Variants in PPFIA2 observed in about 807,000 individuals in gnomAD.
PPFIA2 encodes the protein liprin-alpha-2.
PPFIA2 carries 46 observed loss-of-function variants against 175.5 expected under a neutral mutation model. The observed-to-expected ratio is 0.26, with a 90% confidence interval of 0.21 to 0.34. The LOEUF is 0.34. PPFIA2 is among the 10% of genes least tolerant of loss of function. PPFIA2 has a pLI of 1.00. For missense variants in PPFIA2, 1,179 were observed against 1,506.1 expected, an observed-to-expected ratio of 0.78 and a Z score of 3.60; for synonymous variants, 568 against 511.4, an observed-to-expected ratio of 1.11 and a Z score of -1.49.
chr12:81,326,752 G>A (rs759611434), intron 21 of PPFIA2, among the ~76,000 whole-genome samples: 8 of 151,932 alleles, frequency 5.3e-5, no homozygotes, highest in South Asian at 2.1e-4. Flanking sequence ...TTCTGAAGTC[G>A]AGCTAAATGA....
intron 16 of PPFIA2, among the ~76,000 whole-genome samples, chr12:81,356,703 A>C (rs1018678068): frequency 5.3e-5 from 8 of 152,160 alleles, no homozygotes; most frequent in Non-Finnish European, 1.2e-4. Flanking sequence ...AATTGCCAAA[A>C]TATGAGACAG....
chr12:81,478,354 A>G (rs1253711002), intron 4 of PPFIA2, among the ~76,000 whole-genome samples: 1 of 152,030 alleles, frequency 6.6e-6, no homozygotes, highest in Non-Finnish European at 1.5e-5. Flanking sequence ...AATCTTTTCA[A>G]AAAACCACAT....
At chr12:81,643,045 G>A (rs1212903145) in intron 4 of PPFIA2, among the ~76,000 whole-genome samples, 1 of 144,742 alleles carries the variant, frequency 6.9e-6, no homozygotes, top group Non-Finnish European at 1.5e-5. Context: ...ATTATTACAT[G>A]TTATATATAC....
intron 26 of PPFIA2, 147 bp from the exon 27 acceptor site, chr12:81,281,597 T>C (rs567651032): frequency 1.3e-5 from 7 of 534,268 alleles, no homozygotes; most frequent in African/African-American, 1.2e-4. Context: ...TTTGATTCGA[T>C]TTGGTATAAA....
chr12:81,734,725 T>G (rs764053211), intron 3 of PPFIA2, among the ~76,000 whole-genome samples: 1 of 151,800 alleles, frequency 6.6e-6, no homozygotes, highest in Non-Finnish European at 1.5e-5. Flanking sequence ...TTGTGTTTAG[T>G]GTAGAATGCT....
At chr12:81,295,653 T>TG (rs1478763270) in intron 23 of PPFIA2, among the ~76,000 whole-genome samples, 2 of 152,080 alleles carry the variant, frequency 1.3e-5, no homozygotes, top group Non-Finnish European at 2.9e-5. Flanking sequence ...CTCAAATCAT[T>TG]GAAAAACTAA....
intron 5 of PPFIA2, among the ~76,000 whole-genome samples, chr12:81,446,196 T>G (rs1236296184): frequency 6.6e-6 from 1 of 152,230 alleles, no homozygotes; most frequent in Non-Finnish European, 1.5e-5. Context: ...CATGGTTTTA[T>G]TCACAATTAG....
intron 4 of PPFIA2, among the ~76,000 whole-genome samples, chr12:81,660,609 T>G (rs1023819986): frequency 2.6e-5 from 4 of 152,204 alleles, no homozygotes; most frequent in African/African-American, 9.7e-5. Context: ...AGGAACCAAG[T>G]TGGAAAACAC....
intron 4 of PPFIA2, among the ~76,000 whole-genome samples, chr12:81,540,886 T>A (rs1333476666): frequency 6.6e-5 from 10 of 151,994 alleles, no homozygotes; most frequent in Non-Finnish European, 7.4e-5. Context: ...TATATTTAGA[T>A]CTCTCTTTAG....
At chr12:81,462,000 A>T (rs2054616185) in intron 4 of PPFIA2, among the ~76,000 whole-genome samples, 1 of 151,912 alleles carries the variant, frequency 6.6e-6, no homozygotes, top group Non-Finnish European at 1.5e-5. Flanking sequence ...TGGAAAATTA[A>T]GTAAACAGTA....
intron 4 of PPFIA2, among the ~76,000 whole-genome samples, chr12:81,530,620 C>T (rs1044082967): frequency 6.6e-5 from 10 of 151,782 alleles, no homozygotes; most frequent in Admixed American, 2.6e-4. Flanking sequence ...CACAGCTATT[C>T]AACTCCTGCT....
At chr12:81,670,959 T>C (rs2071285383) in intron 4 of PPFIA2, among the ~76,000 whole-genome samples, 1 of 151,970 alleles carries the variant, frequency 6.6e-6, no homozygotes, top group Admixed American at 6.6e-5. Context: ...TCTCTCATCT[T>C]ATAACTCTAT....
At chr12:81,533,723 CTATCTATCTATCTATA>C (rs57744869) in intron 4 of PPFIA2, among the ~76,000 whole-genome samples, 16,739 of 138,880 alleles carry the variant, frequency 0.12, 973 homozygotes, top group African/African-American at 0.16. Context: ...ATCTATCTAT[CTATCTATCTATCTATA>C]TATCTATCTA....
At chr12:81,691,449 C>T (rs949739812) in intron 3 of PPFIA2, among the ~76,000 whole-genome samples, 2 of 152,036 alleles carry the variant, frequency 1.3e-5, no homozygotes, top group East Asian at 3.9e-4. Context: ...AGGACTCTGC[C>T]TTAAAGTATC....
chr12:81,278,700 C>G (rs1004279315), intron 27 of PPFIA2, among the ~76,000 whole-genome samples: 1 of 151,948 alleles, frequency 6.6e-6, no homozygotes, highest in South Asian at 2.1e-4. Flanking sequence ...ATCGATAAAC[C>G]AGGCATGTTC....
intron 7 of PPFIA2, among the ~76,000 whole-genome samples, chr12:81,406,524 C>T (rs557582302): frequency 2.0e-4 from 31 of 152,020 alleles, no homozygotes; most frequent in Non-Finnish European, 4.3e-4. Context: ...GTTATTCTTG[C>T]AAACTTTCAG....
intron 4 of PPFIA2, among the ~76,000 whole-genome samples, chr12:81,579,698 A>C (rs1056877084): frequency 1.3e-5 from 2 of 151,826 alleles, no homozygotes; most frequent in Non-Finnish European, 2.9e-5. Context: ...CTAAAATATA[A>C]TTATTTATAA....
At chr12:81,327,767 A>G (rs925825931) in intron 21 of PPFIA2, among the ~76,000 whole-genome samples, 14 of 152,170 alleles carry the variant, frequency 9.2e-5, no homozygotes, top group Admixed American at 3.9e-4. Flanking sequence ...TTTTTAAATA[A>G]TAAAACTTGA....
At chr12:81,331,736 T>C (rs2056167313) in intron 21 of PPFIA2, among the ~76,000 whole-genome samples, 1 of 152,184 alleles carries the variant, frequency 6.6e-6, no homozygotes, top group Non-Finnish European at 1.5e-5. Context: ...CTTTTCTGTT[T>C]TCATTATTTT....
Sources: allele counts gnomAD v4.1 joint callset (sites outside exome capture counted in the v4.1 genomes callset), GRCh38; gene constraint gnomAD v4.1.1; transcripts MANE v1.5; gene names NCBI Gene and HGNC (gene_info 2026-07-23, HGNC 2026-07-21).